Variants in CCDC40 observed in about 807,000 individuals in gnomAD.
CCDC40 encodes coiled-coil domain-containing protein 40.
In CCDC40, 104 loss-of-function variants were observed where a neutral mutation model predicts 124.5. That is an observed-to-expected ratio of 0.84 (90% CI 0.71 to 0.98). The LOEUF (loss-of-function observed/expected upper bound fraction) is 0.98, where lower values mean the gene tolerates loss of function less well. CCDC40 is among the 50% of genes least tolerant of loss of function. The pLI is 0.00. For synonymous variants in CCDC40, 580 were observed against 602.9 expected (o/e 0.96, Z 0.56); for missense variants, 1,463 against 1,503.9 (o/e 0.97, Z 0.45).
At chr17:80,048,415 T>C (rs900407438) in intron 4 of CCDC40, 168 bp from the exon 5 acceptor site, 1 of 676,430 alleles carries the variant, frequency 1.5e-6, no homozygotes, top group Non-Finnish European at 2.7e-6. Context: ...GAATAGAAGA[T>C]GGGGTGAATG....
At chr17:80,043,380 GA>G (rs1022181233) in intron 3 of CCDC40, among the ~76,000 whole-genome samples, 1 of 152,106 alleles carries the variant, frequency 6.6e-6, no homozygotes, top group African/African-American at 2.4e-5. Flanking sequence ...CTGTCCCCAG[GA>G]CCTCTCAGCG....
At chr17:80,094,524 A>G (rs984861717) in intron 17 of CCDC40, among the ~76,000 whole-genome samples, 4 of 152,008 alleles carry the variant, frequency 2.6e-5, no homozygotes, top group African/African-American at 9.7e-5. Flanking sequence ...GTGAAACCCC[A>G]TCTCTACTAA....
chr17:80,068,224 G>T (rs1037780032), intron 10 of CCDC40, among the ~76,000 whole-genome samples: 1 of 152,134 alleles, frequency 6.6e-6, no homozygotes, highest in African/African-American at 2.4e-5. Context: ...AGTAGAGACG[G>T]GGTTTCACCA....
At chr17:80,049,545 G>A (rs1364811379) in intron 5 of CCDC40, among the ~76,000 whole-genome samples, 6 of 152,162 alleles carry the variant, frequency 3.9e-5, no homozygotes, top group Non-Finnish European at 8.8e-5. Context: ...GGAAAAGGCA[G>A]ATGTTGATTT....
chr17:80,047,068 A>G (rs949434003), intron 3 of CCDC40, among the ~76,000 whole-genome samples: 2 of 151,814 alleles, frequency 1.3e-5, no homozygotes, highest in African/African-American at 4.8e-5. Context: ...CTGGTCTCGA[A>G]CTCCTGGCCT....
intron 7 of CCDC40, among the ~76,000 whole-genome samples, chr17:80,052,601 C>T (rs764342859): frequency 7.7e-6 from 1 of 129,470 alleles, no homozygotes; most frequent in Non-Finnish European, 1.5e-5. Context: ...ACCTTCACAC[C>T]AAAATGAGTT....
intron 7 of CCDC40, among the ~76,000 whole-genome samples, chr17:80,051,487 G>A (rs975139615): frequency 1.3e-5 from 2 of 150,974 alleles, no homozygotes; most frequent in Non-Finnish European, 3.0e-5. Flanking sequence ...AAATTAGCCG[G>A]GCGTAGTGGC....
chr17:80,052,895 C>T (rs56003911), intron 7 of CCDC40, among the ~76,000 whole-genome samples: 39,132 of 152,026 alleles, frequency 0.26, 5,776 homozygotes, highest in African/African-American at 0.41. Flanking sequence ...AAAAGGGGTA[C>T]GTGAAATTTA....
rs1342427213 is a variant in CCDC40, at chr17:80,049,903, T to A, written c.856-3T>A. ...AACCACCTGTGGTTTTCCATTGTTC[T>A]AGCCCCTGATGGTAAGATTCCAGGC... is the stretch of plus-strand genomic sequence containing the variant. On this transcript the variant is annotated splice_region_variant and splice_polypyrimidine_tract_variant and intron_variant, in intron 5 of 19. Coordinates refer to ENST00000397545, the MANE Select transcript of CCDC40 (RefSeq NM_017950.4). 1 of 1,613,692 alleles carries A rather than the reference T, an allele frequency of 6.2e-7. No homozygotes were observed. Among genetic ancestry groups the A allele is most frequent in the African/African-American group, 1.3e-5 (1 of 74,922 alleles).
At chr17:80,081,508 C>A (rs2038447851) in intron 10 of CCDC40, 38 bp from the exon 11 acceptor site, 1 of 1,612,772 alleles carries the variant, frequency 6.2e-7, no homozygotes, top group African/African-American at 1.3e-5. Flanking sequence ...TCTCTGATGT[C>A]TCACACGTAA....
intron 3 of CCDC40, 28 bp downstream of exon 3, chr17:80,040,298 C>CCAGTGTCG (rs767614942): frequency 4.4e-6 from 7 of 1,603,562 alleles, no homozygotes; most frequent in Non-Finnish European, 6.0e-6. Context: ...CTGTTTTGTG[C>CCAGTGTCG]CAGTGTCGCA....
intron 7 of CCDC40, among the ~76,000 whole-genome samples, chr17:80,053,216 A>G (rs1163163493): frequency 6.6e-6 from 1 of 152,224 alleles, no homozygotes; most frequent in African/African-American, 2.4e-5. Flanking sequence ...CTGAAAGAGA[A>G]AATAAACCTC....
rs997695210 is a variant in CCDC40, at chr17:80,038,116, A to C, written c.30-7A>C. On this transcript the variant is annotated splice_polypyrimidine_tract_variant and splice_region_variant and intron_variant, in intron 1 of 19. Coordinates refer to ENST00000397545, the MANE Select transcript of CCDC40 (RefSeq NM_017950.4). ...TTGAAACTGTTCAATTGTTTCTCTA[A>C]AACCAGGTCCCATCCGGAAGATGGA... 16 of 1,602,456 alleles carry C rather than the reference A, an allele frequency of 1.0e-5. No homozygotes were observed. The highest frequency in any genetic ancestry group is 4.0e-5 in the African/African-American group (3 of 74,636).
intron 7 of CCDC40, among the ~76,000 whole-genome samples, chr17:80,056,014 A>ATTTTTTTTTTTTTTTTTT (rs1173801732): frequency 3.0e-4 from 4 of 13,446 alleles, no homozygotes; most frequent in Non-Finnish European, 3.7e-4. Context: ...ATATATATAT[A>ATTTTTTTTTTTTTTTTTT]TATTTTTTTT....
rs370454171 is a variant in CCDC40 at position 80,066,086 on chromosome 17, G to A, written c.1562+480G>A. 5.1e-5 allele frequency: 36 copies of A among 702,878 alleles called. No homozygotes were observed. Among genetic ancestry groups the A allele is most frequent in the East Asian group, 3.8e-4 (14 of 37,296 alleles). 43.5% of individuals were successfully genotyped at this position (702,878 alleles called of 1,614,324 possible). A position where few individuals can be genotyped will look rare whatever the true frequency, so the allele number is the denominator to read the frequency against. ...ATGGATGCGTGGCTCAGGGCAGGGCGTTGGAGACACAGGTGCTGCCTTCAT... is the reference window on the plus strand; with the variant it reads ...ATGGATGCGTGGCTCAGGGCAGGGCATTGGAGACACAGGTGCTGCCTTCAT... On this transcript the variant is annotated intron_variant, in intron 10 of 19. Transcript: ENST00000397545. The surrounding 1 kb of genome is among the most constrained non-coding windows in gnomAD (Gnocchi z 4.4).
chr17:80,091,933 T>C (rs1366453622), intron 17 of CCDC40: 1 of 144,178 alleles, frequency 6.9e-6, no homozygotes, highest in East Asian at 2.0e-4. Flanking sequence ...TTATCTATCT[T>C]TTTTTTTTTT....
chr17:80,083,281 G>C (rs553985226), intron 12 of CCDC40, among the ~76,000 whole-genome samples: 8 of 152,146 alleles, frequency 5.3e-5, no homozygotes, highest in African/African-American at 1.9e-4. Flanking sequence ...AGAGGAGGAG[G>C]CTGCGAGCTG....
chr17:80,053,168 G>T (rs547336703), intron 7 of CCDC40, among the ~76,000 whole-genome samples: 2 of 152,200 alleles, frequency 1.3e-5, no homozygotes, highest in African/African-American at 2.4e-5. Context: ...CAGGAAAGAC[G>T]AATCTGCAGA....
Position 80,097,283 on chromosome 17 carries a change from A to G in CCDC40, c.3060A>G (p.Glu1020=). 1.2e-6 allele frequency: 2 copies of G among 1,613,754 alleles called. No individual in the cohort carries two copies. Among genetic ancestry groups the G allele is most frequent in the Non-Finnish European group, 1.7e-6 (2 of 1,179,906 alleles). Residue 1020 remains glutamate, a synonymous_variant, in exon 19 of 20, where the codon GAA becomes GAG. Transcript: ENST00000397545. ...DECTKTVLEL[E]ETQRNVSSSL... ...GCACCAAAACCGTCCTGGAACTGGAAGAAACACAAAGAAATGTGAGCAGCT... is the reference window on the plus strand; with the variant it reads ...GCACCAAAACCGTCCTGGAACTGGAGGAAACACAAAGAAATGTGAGCAGCT...
Sources: allele counts gnomAD v4.1 joint callset (sites outside exome capture counted in the v4.1 genomes callset), GRCh38; gene constraint gnomAD v4.1.1; non-coding constraint Gnocchi (gnomAD v3.1); transcripts MANE v1.5; gene names NCBI Gene and HGNC (gene_info 2026-07-23, HGNC 2026-07-21).